MAGI2: variants seen among roughly 807,000 people sequenced by gnomAD.
The protein encoded by MAGI2 is membrane-associated guanylate kinase, WW and PDZ domain-containing protein 2.
Under a neutral mutation model 133.3 loss-of-function variants are expected in MAGI2, and 35 were observed. That is an observed-to-expected ratio of 0.26 (90% CI 0.20 to 0.35). The LOEUF (loss-of-function observed/expected upper bound fraction) is 0.35. Among genes scored for constraint, MAGI2 ranks in the 10% least tolerant of loss-of-function variants. The pLI is 1.00. For missense variants in MAGI2, 1,636 were observed against 1,863.4 expected, an observed-to-expected ratio of 0.88 and a Z score of 2.25; for synonymous variants, 729 against 710.6, an observed-to-expected ratio of 1.03 and a Z score of -0.41.
At chr7:78,465,440 G>A (rs748518259) in intron 6 of MAGI2, among the ~76,000 whole-genome samples, 7 of 152,130 alleles carry the variant, frequency 4.6e-5, no homozygotes, top group Non-Finnish European at 8.8e-5. Flanking sequence ...CTATTAACAC[G>A]TGCATTTCAT....
intron 6 of MAGI2, 132 bp downstream of exon 6, chr7:78,489,629 C>G (rs1460972115): frequency 4.1e-5 from 30 of 732,154 alleles, no homozygotes; most frequent in Non-Finnish European, 6.6e-5. Context: ...TCTCTCTTAT[C>G]TGAGCATTAA....
chr7:79,221,092 T>C (rs1000430904), intron 1 of MAGI2, among the ~76,000 whole-genome samples: 2 of 151,884 alleles, frequency 1.3e-5, no homozygotes, highest in Non-Finnish European at 2.9e-5. Flanking sequence ...CATGTGGAAT[T>C]TTCCCCCTCA....
At chr7:78,615,746 T>C (rs1807016234) in intron 3 of MAGI2, 1 of 152,248 alleles carries the variant, frequency 6.6e-6, no homozygotes, top group African/African-American at 2.4e-5. Context: ...TTACGTCATT[T>C]TGGGCCTATT....
chr7:78,983,967 A>C (rs889290115), intron 2 of MAGI2, among the ~76,000 whole-genome samples: 1 of 151,874 alleles, frequency 6.6e-6, no homozygotes, highest in Non-Finnish European at 1.5e-5. Context: ...CCTAATGCCT[A>C]TGTGTTATCT....
chr7:78,645,736 ACT>A (rs1810814172), intron 2 of MAGI2, among the ~76,000 whole-genome samples: 2 of 146,840 alleles, frequency 1.4e-5, no homozygotes, highest in Non-Finnish European at 3.0e-5. Flanking sequence ...AAATAGCAAA[ACT>A]TTTTTTTTTT....
chr7:79,229,774 T>C (rs187023218), intron 1 of MAGI2, among the ~76,000 whole-genome samples: 479 of 152,260 alleles, frequency 3.1e-3, no homozygotes, highest in African/African-American at 0.011. Context: ...AATATTCTTT[T>C]TTTTTAAGTT....
At chr7:78,960,295 T>A (rs1463663405) in intron 2 of MAGI2, among the ~76,000 whole-genome samples, 1 of 152,160 alleles carries the variant, frequency 6.6e-6, no homozygotes, top group Non-Finnish European at 1.5e-5. Flanking sequence ...TACCTATGTT[T>A]ATTAAATATA....
At chr7:79,115,514 T>C (rs1266100565) in intron 1 of MAGI2, among the ~76,000 whole-genome samples, 2 of 152,202 alleles carry the variant, frequency 1.3e-5, no homozygotes, top group African/African-American at 4.8e-5. Flanking sequence ...AGTTTCATTA[T>C]GCTCAGAAAA....
chr7:78,667,530 T>A (rs893969564), intron 2 of MAGI2, among the ~76,000 whole-genome samples: 9 of 147,932 alleles, frequency 6.1e-5, no homozygotes, highest in Non-Finnish European at 1.2e-4. Flanking sequence ...CCTAATGCTA[T>A]CCCTCCCGCC....
At chr7:79,376,014 T>C (rs1015577949) in intron 1 of MAGI2, among the ~76,000 whole-genome samples, 2 of 151,876 alleles carry the variant, frequency 1.3e-5, no homozygotes, top group Non-Finnish European at 2.9e-5. Context: ...ACATGATTAG[T>C]TTACCTAGGA....
chr7:79,450,346 A>AT (rs150540297), intron 1 of MAGI2, among the ~76,000 whole-genome samples: 13,891 of 152,158 alleles, frequency 0.091, 671 homozygotes, highest in Non-Finnish European at 0.095. Context: ...GAAAAATTTC[A>AT]TTTTTTATAA....
intron 1 of MAGI2, among the ~76,000 whole-genome samples, chr7:79,048,783 G>T (rs185068009): frequency 6.6e-6 from 1 of 152,156 alleles, no homozygotes; most frequent in African/African-American, 2.4e-5. Context: ...AGACCAGCCT[G>T]GCCAACAGTG....
intron 6 of MAGI2, among the ~76,000 whole-genome samples, chr7:78,448,098 T>A (rs770187417): frequency 1.3e-5 from 2 of 152,088 alleles, no homozygotes; most frequent in African/African-American, 4.8e-5. Flanking sequence ...AATGACAGGA[T>A]TTCCTTCTTT....
intron 2 of MAGI2, among the ~76,000 whole-genome samples, chr7:78,956,471 A>G (rs1802389672): frequency 6.6e-6 from 1 of 152,154 alleles, no homozygotes; most frequent in African/African-American, 2.4e-5. Flanking sequence ...CTGGAGAACA[A>G]TGTTACTGTG....
At chr7:78,141,302 T>A (rs1822723719) in intron 16 of MAGI2, among the ~76,000 whole-genome samples, 1 of 152,176 alleles carries the variant, frequency 6.6e-6, no homozygotes, top group Non-Finnish European at 1.5e-5. Flanking sequence ...TGGAAACTCC[T>A]GATCTGTTTT....
At chr7:78,927,288 A>T (rs368899534) in intron 2 of MAGI2, among the ~76,000 whole-genome samples, 62 of 152,050 alleles carry the variant, frequency 4.1e-4, no homozygotes, top group African/African-American at 1.4e-3. Flanking sequence ...TCTGGAACTG[A>T]TTTAGTAAAA....
intron 2 of MAGI2, among the ~76,000 whole-genome samples, chr7:78,889,315 A>G (rs1250944786): frequency 6.6e-6 from 1 of 152,210 alleles, no homozygotes; most frequent in Non-Finnish European, 1.5e-5. Context: ...GCAGGATATT[A>G]TCCAGGAGAA....
chr7:79,142,221 C>T (rs1822206361), intron 1 of MAGI2, among the ~76,000 whole-genome samples: 1 of 152,060 alleles, frequency 6.6e-6, no homozygotes, highest in African/African-American at 2.4e-5. Context: ...TCTAATTTCC[C>T]ACTTATTTTA....
chr7:79,216,867 C>T (rs182030603), intron 1 of MAGI2, among the ~76,000 whole-genome samples: 5 of 152,084 alleles, frequency 3.3e-5, no homozygotes, highest in East Asian at 3.9e-4. Flanking sequence ...TAGTTTTCTT[C>T]GCCAATAGAT....
Sources: gnomAD v4.1 joint callset for allele counts (sites outside exome capture counted in the v4.1 genomes callset) on GRCh38, gnomAD v4.1.1 for gene constraint, MANE v1.5 for transcripts, NCBI Gene and HGNC (gene_info 2026-07-23, HGNC 2026-07-21) for gene names.